Variants in ILKAP observed in about 807,000 individuals in gnomAD.
ILKAP encodes the protein ILK associated serine/threonine phosphatase.
In ILKAP, 11 loss-of-function variants were observed where a neutral mutation model predicts 49.1. The observed-to-expected ratio is 0.22, with a 90% CI of 0.14 to 0.37. The LOEUF (loss-of-function observed/expected upper bound fraction) is 0.37. ILKAP is among the 10% of genes least tolerant of loss of function. The pLI is 1.00. For missense variants in ILKAP, 363 were observed against 510.8 expected (o/e 0.71, Z 2.79); for synonymous variants, 186 against 192.8 (o/e 0.96, Z 0.29).
chr2:238,171,769 G>A (rs1254413070), intron 10 of ILKAP, among the ~76,000 whole-genome samples: 1 of 152,134 alleles, frequency 6.6e-6, no homozygotes, highest in African/African-American at 2.4e-5. Flanking sequence ...GGCACACACT[G>A]CACAGCTTGG....
intron 1 of ILKAP, 136 bp downstream of exon 1, chr2:238,203,363 C>T (rs1425663680): frequency 4.3e-6 from 1 of 230,236 alleles, no homozygotes; most frequent in Non-Finnish European, 7.7e-6. Flanking sequence ...CCTGGCCAGG[C>T]AGGAGCAGGC....
intron 2 of ILKAP, 199 bp downstream of exon 2, chr2:238,194,606 C>T: frequency 9.8e-6 from 6 of 615,088 alleles, no homozygotes; most frequent in Non-Finnish European, 1.7e-5. Context: ...CTCCACATTT[C>T]CTCGCAGTAC....
chr2:238,182,327 CG>C (rs878923533), intron 8 of ILKAP, 141 bp from the exon 9 acceptor site: 42 of 987,096 alleles, frequency 4.3e-5, no homozygotes, highest in South Asian at 3.5e-4. Flanking sequence ...TGCTGATAAA[CG>C]TAAGTTCAGA....
At position 238,194,836 on chromosome 2, in the gene ILKAP, A is replaced by T. The variant is rs760916873; in HGVS notation, c.90T>A (p.Asp30Glu). The change falls in exon 2 of 12, where the codon GAT becomes GAA. Residue 30 changes from aspartate (D) to glutamate (E), a missense_variant. Physicochemically the swap from Asp to Glu is conservative, Grantham distance 45. Around this residue, in one of 3 missense-constraint regions of ILKAP, gnomAD observed 114 missense variants for 116.0 expected, o/e 0.98. Coordinates refer to ENST00000254654, the MANE Select transcript of ILKAP (RefSeq NM_030768.3). ...CAGTACTGCTGGCCGGAGGGAGGTC[A>T]TCAAAGAGCAGGGGTCCTTTCTGAG... The part of the protein sequence containing the change: ...KEAQKGPLLF[D>E]DLPPASSTDS... The T allele has an allele frequency of 5.0e-6, 8 of 1,614,204 alleles. No homozygotes were observed. The South Asian group carries it at 8.8e-5, about 18-fold the overall frequency.
At chr2:238,194,146 G>A (rs1313748893) in intron 3 of ILKAP, 129 bp downstream of exon 3, 3 of 681,942 alleles carry the variant, frequency 4.4e-6, no homozygotes, top group Middle Eastern at 2.5e-4. Flanking sequence ...TATAGTTTTA[G>A]TAAACCTTAT....
At chr2:238,176,664 CAGAG>C (rs34331344) in intron 9 of ILKAP, among the ~76,000 whole-genome samples, 16 of 151,084 alleles carry the variant, frequency 1.1e-4, no homozygotes, top group East Asian at 1.9e-4. Flanking sequence ...GTTCTTTCTC[CAGAG>C]AGAGAGAGAG....
At position 238,188,257 on chromosome 2, in the gene ILKAP, G is replaced by C; in HGVS notation, c.299C>G (p.Ala100Gly). The part of the protein sequence containing the change: ...EELVEKKVCK[A>G]SSVIFGLKGY... ...CTTCAGACCAAAGATCACCGAAGAG[G>C]CTAAGGAAAAGAGAACAAAAGAGCC... The change falls in exon 5 of 12, where the codon GCC becomes GGC. Residue 100 changes from alanine (A) to glycine (G), a missense_variant and splice_region_variant. By Grantham distance (60) the Ala-to-Gly change is moderately conservative. Transcript: ENST00000254654. 6.2e-7 allele frequency: 1 copy of C among 1,613,340 alleles called. No homozygotes were observed. The highest frequency in any genetic ancestry group is 8.5e-7 in the Non-Finnish European group (1 of 1,179,736).
chr2:238,189,394 C>T (rs151086927), intron 4 of ILKAP, among the ~76,000 whole-genome samples: 1,605 of 152,320 alleles, frequency 0.011, 12 homozygotes, highest in Non-Finnish European at 0.018. Context: ...TAATACTTTT[C>T]GTTTTCTTCC....
chr2:238,196,415 C>T lies in ILKAP; in HGVS notation c.56-1545G>A, dbSNP rs189461088. 1.9e-3 allele frequency among the ~76,000 whole-genome samples: 283 copies of T among 152,062 alleles called. 1 individual carries two copies. Among genetic ancestry groups the T allele is most frequent in the Middle Eastern group, 3.4e-3 (1 of 294 alleles). On this transcript the variant is annotated intron_variant, in intron 1 of 11. Transcript: ENST00000254654. Reference sequence around the variant, plus strand: ...CTAATTTTTGTATTTTTAGTAGAGACGGGGTTTCACCATGTTGGCCAGGTT... The same window carrying T: ...CTAATTTTTGTATTTTTAGTAGAGATGGGGTTTCACCATGTTGGCCAGGTT...
At chr2:238,183,963 C>T in intron 7 of ILKAP, 57 bp downstream of exon 7, 1 of 1,150,252 alleles carries the variant, frequency 8.7e-7, no homozygotes, top group East Asian at 2.3e-5. Context: ...GACTGAAATG[C>T]ATTTAGGAAA....
At chr2:238,185,315 A>G in intron 5 of ILKAP, 28 bp from the exon 6 acceptor site, 1 of 1,414,826 alleles carries the variant, frequency 7.1e-7, no homozygotes, top group Non-Finnish European at 1.0e-6. Context: ...GAGTTAATCA[A>G]ATTCTCACAG....
At chr2:238,197,585 T>C (rs1012522456) in intron 1 of ILKAP, among the ~76,000 whole-genome samples, 2 of 152,332 alleles carry the variant, frequency 1.3e-5, no homozygotes, top group Non-Finnish European at 2.9e-5. Context: ...TTTCAGTTCT[T>C]GTAAGCATTC....
In ILKAP at chr2:238,186,145, A is replaced by T. The variant is rs537026050; in HGVS notation, c.426-858T>A. The T allele has an allele frequency of 3.3e-5, 5 of 152,344 alleles. No individual in the cohort carries two copies. In the East Asian group the frequency reaches 9.6e-4, roughly 29 times the overall value. The allele number at this position is 152,344 out of a possible 1,614,324, so 9.4% of individuals were successfully genotyped here. A position where few individuals can be genotyped will look rare whatever the true frequency, so the allele number is the denominator to read the frequency against. ...TGTTAGGTGACTTTGTTGTGTGAAC[A>T]TCATAGAACATATTTACAGAAACTA... On this transcript the variant is annotated intron_variant, in intron 5 of 11. Coordinates refer to ENST00000254654, the MANE Select transcript of ILKAP (RefSeq NM_030768.3).
chr2:238,203,629 C>G lies in ILKAP; in HGVS notation c.-76G>C. ...CAGCGGCCGGGCTCCACACCCCGGG[C>G]GGGCGGCAGCAGCGGGCGGGCGACG... On this transcript the variant is annotated 5_prime_UTR_variant, in exon 1 of 12. Coordinates refer to ENST00000254654, the MANE Select transcript of ILKAP (RefSeq NM_030768.3). The G allele has an allele frequency of 1.1e-6, 1 of 933,262 alleles. No homozygotes were observed. Among genetic ancestry groups the G allele is most frequent in the Non-Finnish European group, 1.3e-6 (1 of 745,690 alleles). 57.8% of individuals were successfully genotyped at this position (933,262 alleles called of 1,614,324 possible). A position where few individuals can be genotyped will look rare whatever the true frequency, so the allele number is the denominator to read the frequency against.
chr2:238,201,952 C>T (rs1694586936), intron 1 of ILKAP, among the ~76,000 whole-genome samples: 1 of 152,158 alleles, frequency 6.6e-6, no homozygotes, highest in South Asian at 2.1e-4. Context: ...GGGCAGGGCA[C>T]GGTGGCTCAC....
chr2:238,203,479 C>T lies in ILKAP; in HGVS notation c.55+20G>A. The T allele has an allele frequency of 1.6e-6, 2 of 1,241,668 alleles. No homozygotes were observed. Among genetic ancestry groups the T allele is most frequent in the South Asian group, 2.0e-5 (1 of 50,636 alleles). 76.9% of individuals were successfully genotyped at this position (1,241,668 alleles called of 1,614,324 possible). A position where few individuals can be genotyped will look rare whatever the true frequency, so the allele number is the denominator to read the frequency against. ...GCCTGCTCTCCCTTCCCTGGCCGGC[C>T]CGGCGGCAACGCCGCTTACCGGCAG... On this transcript the variant is annotated intron_variant, in intron 1 of 11. Coordinates refer to ENST00000254654, the MANE Select transcript of ILKAP (RefSeq NM_030768.3).
rs374433529 is a variant in ILKAP at position 238,185,298 on chromosome 2, G to A, written c.426-11C>T. On this transcript the variant is annotated splice_polypyrimidine_tract_variant and intron_variant, in intron 5 of 11. Coordinates refer to ENST00000254654, the MANE Select transcript of ILKAP (RefSeq NM_030768.3). ...TATGAAACCCGAGTACTGAAAGAAC[G>A]AATTGAGAGTTAATCAAATTCTCAC... The A allele has an allele frequency of 9.8e-6, 15 of 1,528,206 alleles. No individual in the cohort carries two copies. Among genetic ancestry groups the A allele is most frequent in the African/African-American group, 5.5e-5 (4 of 73,160 alleles). The allele number at this position is 1,528,206 out of a possible 1,614,324, so 94.7% of individuals were successfully genotyped here. A position where few individuals can be genotyped will look rare whatever the true frequency, so the allele number is the denominator to read the frequency against.
At chr2:238,191,033 C>T (rs538562600) in intron 3 of ILKAP, among the ~76,000 whole-genome samples, 93 of 152,294 alleles carry the variant, frequency 6.1e-4, no homozygotes, top group African/African-American at 2.1e-3. Context: ...CAGTTTACTG[C>T]AGCCTCCAAC....
rs116453342 is a variant in ILKAP, at chr2:238,179,202, C to T, written c.836+2863G>A. On this transcript the variant is annotated intron_variant, in intron 9 of 11. Coordinates refer to ENST00000254654, the MANE Select transcript of ILKAP (RefSeq NM_030768.3). Reference sequence around the variant, plus strand: ...GCCATATCTGAAATCAAGTGAGCAGCAGAAAACCCCATGACTGTGACTACA... The same window carrying T: ...GCCATATCTGAAATCAAGTGAGCAGTAGAAAACCCCATGACTGTGACTACA... 2.5e-3 allele frequency among the ~76,000 whole-genome samples: 379 copies of T among 152,252 alleles called. 1 individual carries two copies. Among genetic ancestry groups the T allele is most frequent in the African/African-American group, 8.1e-3 (338 of 41,554 alleles).
Sources: allele counts gnomAD v4.1 joint callset (sites outside exome capture counted in the v4.1 genomes callset), GRCh38; gene constraint gnomAD v4.1.1; regional missense constraint gnomAD v4.1.1; transcripts MANE v1.5; gene names NCBI Gene and HGNC (gene_info 2026-07-23, HGNC 2026-07-21).